IKZF1: variants seen among roughly 807,000 people sequenced by gnomAD.
IKZF1 encodes the protein IKAROS family zinc finger 1, also known as DNA-binding protein Ikaros.
A neutral mutation model predicts 51.7 loss-of-function variants in IKZF1; 10 were observed. The ratio of observed to expected loss-of-function variants is 0.19; its 90% CI spans 0.12 to 0.33. IKZF1 has a LOEUF of 0.33. IKZF1 is among the 10% of genes least tolerant of loss of function. The pLI is 1.00. For synonymous variants in IKZF1, 280 were observed against 282.3 expected (o/e 0.99, Z 0.08); for missense variants, 484 against 707.5 (o/e 0.68, Z 3.58).
intron 3 of IKZF1, among the ~76,000 whole-genome samples, chr7:50,338,075 C>T (rs886791058): frequency 1.4e-4 from 22 of 151,956 alleles, no homozygotes; most frequent in African/African-American, 5.3e-4. Context: ...CAGAATCTGA[C>T]ATGTGAATTT....
At chr7:50,325,229 A>G (rs1265964247) in intron 2 of IKZF1, among the ~76,000 whole-genome samples, 1 of 148,852 alleles carries the variant, frequency 6.7e-6, no homozygotes, top group Non-Finnish European at 1.5e-5. Flanking sequence ...GTGTAAGATT[A>G]TTTTGTTATT....
chr7:50,370,432 A>G (rs929607805), intron 3 of IKZF1, among the ~76,000 whole-genome samples: 9 of 152,208 alleles, frequency 5.9e-5, no homozygotes, highest in African/African-American at 2.2e-4. Context: ...TTGGCATCTG[A>G]GTTCCTTGGA....
intron 3 of IKZF1, among the ~76,000 whole-genome samples, chr7:50,366,814 A>G (rs1202082846): frequency 6.6e-6 from 1 of 152,234 alleles, no homozygotes; most frequent in East Asian, 1.9e-4. Context: ...TTGGAGCTCA[A>G]TGAAGACAAC....
chr7:50,388,581 T>C (rs1161440888), intron 6 of IKZF1: 2 of 152,258 alleles, frequency 1.3e-5, no homozygotes, highest in Admixed American at 1.3e-4. Context: ...TCTTCTCACC[T>C]GTGAAATGGG....
intron 4 of IKZF1, among the ~76,000 whole-genome samples, chr7:50,380,545 T>C (rs774796262): frequency 3.2e-4 from 49 of 152,232 alleles, no homozygotes; most frequent in Admixed American, 1.2e-3. Context: ...ATTCACTAAT[T>C]TAGGGTCATA....
chr7:50,366,489 C>T (rs1246839724), intron 3 of IKZF1, among the ~76,000 whole-genome samples: 4 of 152,152 alleles, frequency 2.6e-5, no homozygotes, highest in Non-Finnish European at 5.9e-5. Flanking sequence ...ACATGAAGAC[C>T]TCCCCAGTGC....
In IKZF1 at chr7:50,369,212, G is replaced by T. The variant is rs1165669929; in HGVS notation, c.161-7321G>T. On this transcript the variant is annotated intron_variant, in intron 3 of 7. Transcript: ENST00000331340. ...ACATTATGGTATTGGACAGAGAAAT[G>T]ATATTGATTTGAAGAATCATATTGT... The T allele has an allele frequency of 7.8e-5, 23 of 296,280 alleles. No individual in the cohort carries two copies. In the Admixed American group the frequency reaches 1.2e-3, roughly 15 times the overall value. 18.4% of individuals were successfully genotyped at this position (296,280 alleles called of 1,614,324 possible). A position where few individuals can be genotyped will look rare whatever the true frequency, so the allele number is the denominator to read the frequency against.
intron 3 of IKZF1, among the ~76,000 whole-genome samples, chr7:50,331,184 G>A (rs2153394633): frequency 6.6e-6 from 1 of 152,264 alleles, no homozygotes; most frequent in East Asian, 1.9e-4. Context: ...GGTAAATGAA[G>A]CTATCGTAGC....
At chr7:50,397,974 A>G (rs1370383252) in intron 7 of IKZF1, among the ~76,000 whole-genome samples, 1 of 152,248 alleles carries the variant, frequency 6.6e-6, no homozygotes. Context: ...CATGAAACTC[A>G]AAGGTACTTT....
intron 4 of IKZF1, among the ~76,000 whole-genome samples, chr7:50,382,183 A>G (rs1489078637): frequency 6.6e-6 from 1 of 152,240 alleles, no homozygotes; most frequent in Non-Finnish European, 1.5e-5. Flanking sequence ...CCACATTAAA[A>G]AACCCCACCA....
At position 50,399,444 on chromosome 7, in the gene IKZF1, ATATAT is replaced by A. The variant is rs563542013; in HGVS notation, c.851-472_851-468del. Among the ~76,000 whole-genome samples, 12 of 151,264 alleles carry A rather than the reference ATATAT, an allele frequency of 7.9e-5. No individual in the cohort carries two copies. In the South Asian group the frequency reaches 2.5e-3, roughly 31 times the overall value. Reference sequence around the variant, plus strand: ...TAATTTAACATATCACATATTTTAAATATATTGTATATAATGAATAATAATATAAT... The same window carrying A: ...TAATTTAACATATCACATATTTTAAATGTATATAATGAATAATAATATAAT... On this transcript the variant is annotated intron_variant, in intron 7 of 7. Coordinates refer to ENST00000331340, the MANE Select transcript of IKZF1 (RefSeq NM_006060.6).
intron 3 of IKZF1, chr7:50,369,620 C>T (rs957707515): frequency 5.0e-6 from 2 of 398,566 alleles, no homozygotes; most frequent in Non-Finnish European, 8.8e-6. Flanking sequence ...AATATCACCA[C>T]CTTGTGGTCA....
intron 1 of IKZF1, among the ~76,000 whole-genome samples, chr7:50,315,056 T>TCGGCTTGCC (rs1269618128): frequency 6.6e-5 from 10 of 152,398 alleles, no homozygotes; most frequent in African/African-American, 1.9e-4. Flanking sequence ...CCCTGTGCTG[T>TCGGCTTGCC]CGGCTTGCCC....
At position 50,403,218 on chromosome 7, in the gene IKZF1, A is replaced by ATAT. The variant is rs1259255575; in HGVS notation, c.*2595_*2597dup. 4 of 220,114 alleles carry ATAT rather than the reference A, an allele frequency of 1.8e-5. No individual in the cohort carries two copies. The highest frequency in any genetic ancestry group is 9.0e-5 in the African/African-American group (4 of 44,566). The allele number at this position is 220,114 out of a possible 1,614,324, so 13.6% of individuals were successfully genotyped here. ...ACTATTGTATTTAAAGTAAGGTTTC[A>ATAT]TATTATGTCAGCAAGTAATTAACTT... is the stretch of plus-strand genomic sequence containing the variant. On this transcript the variant is annotated 3_prime_UTR_variant, in exon 8 of 8. Transcript: ENST00000331340.
intron 3 of IKZF1, among the ~76,000 whole-genome samples, chr7:50,356,806 T>C (rs570214225): frequency 6.6e-6 from 1 of 152,262 alleles, no homozygotes; most frequent in South Asian, 2.1e-4. Flanking sequence ...AGTTACAAGA[T>C]GACACACAAG....
chr7:50,382,757 T>C, intron 5 of IKZF1, 50 bp downstream of exon 5: 1 of 1,554,910 alleles, frequency 6.4e-7, no homozygotes. Context: ...CCGGGATTCC[T>C]CCACTCTGCC....
chr7:50,316,455 CAGG>C (rs1187715186), intron 1 of IKZF1, among the ~76,000 whole-genome samples: 6 of 152,214 alleles, frequency 3.9e-5, no homozygotes, highest in African/African-American at 1.2e-4. Flanking sequence ...AAATGTCCAG[CAGG>C]CCCACGTGCG....
intron 3 of IKZF1, among the ~76,000 whole-genome samples, chr7:50,375,766 G>C (rs936852785): frequency 8.2e-6 from 1 of 121,280 alleles, no homozygotes; most frequent in African/African-American, 3.2e-5. Context: ...GGAAAAAAAA[G>C]CTCTTCCAGA....
At chr7:50,316,676 A>T (rs998757235) in intron 1 of IKZF1, among the ~76,000 whole-genome samples, 6 of 152,258 alleles carry the variant, frequency 3.9e-5, no homozygotes, top group Admixed American at 3.9e-4. Context: ...GTTTGTCAGG[A>T]TTCCGGCTTG....
Sources: allele counts gnomAD v4.1 joint callset (sites outside exome capture counted in the v4.1 genomes callset), GRCh38; gene constraint gnomAD v4.1.1; transcripts MANE v1.5; gene names NCBI Gene and HGNC (gene_info 2026-07-23, HGNC 2026-07-21).